The following GABBR2 variants were observed in gnomAD, a reference collection of about 807,000 sequenced individuals.
The protein encoded by GABBR2 is gamma-aminobutyric acid type B receptor subunit 2.
Under a neutral mutation model 105.6 loss-of-function variants are expected in GABBR2, and 23 were observed. The ratio of observed to expected loss-of-function variants is 0.22; its 90% CI spans 0.16 to 0.31. GABBR2 has a LOEUF of 0.31. Among genes scored for constraint, GABBR2 ranks in the 10% least tolerant of loss-of-function variants. The pLI is 1.00. For synonymous variants in GABBR2, 478 were observed against 499.7 expected, an observed-to-expected ratio of 0.96 and a Z score of 0.58; for missense variants, 734 against 1,245.5, an observed-to-expected ratio of 0.59 and a Z score of 6.18.
intron 13 of GABBR2, among the ~76,000 whole-genome samples, chr9:98,346,151 C>T (rs970920601): frequency 9.9e-5 from 15 of 152,170 alleles, no homozygotes; most frequent in East Asian, 1.9e-4. Flanking sequence ...AAGATAATAA[C>T]GGAGTCTGCT....
chr9:98,640,360 T>C (rs1447411176), intron 1 of GABBR2, among the ~76,000 whole-genome samples: 1 of 151,996 alleles, frequency 6.6e-6, no homozygotes, highest in Admixed American at 6.6e-5. Flanking sequence ...CTCACTCTGC[T>C]CTCTACACTC....
At chr9:98,602,052 G>A (rs959685537) in intron 1 of GABBR2, among the ~76,000 whole-genome samples, 6 of 152,138 alleles carry the variant, frequency 3.9e-5, no homozygotes, top group African/African-American at 9.7e-5. Flanking sequence ...ACAGGCCGGA[G>A]TGCAGTGGTG....
intron 1 of GABBR2, among the ~76,000 whole-genome samples, chr9:98,604,255 T>C (rs1829380848): frequency 6.6e-6 from 1 of 152,200 alleles, no homozygotes; most frequent in Admixed American, 6.5e-5. Flanking sequence ...CCAAGGAGCT[T>C]TGCTTATTCC....
In GABBR2 at chr9:98,388,347, G is replaced by C. The variant is rs1242767492; in HGVS notation, c.1529+507C>G. On this transcript the variant is annotated intron_variant, in intron 10 of 18. Transcript: ENST00000259455. This position sits in a 1 kb window ranked among gnomAD's most constrained non-coding sequence, Gnocchi z 4.4. ...CGGAGGGTCATACGGGATGATGGAA[G>C]GGAGGGCTTCCTGGCCGTAATGAAC... 2.0e-5 allele frequency among the ~76,000 whole-genome samples: 3 copies of C among 152,186 alleles called. No individual in the cohort carries two copies. The highest frequency in any genetic ancestry group is 4.4e-5 in the Non-Finnish European group (3 of 68,022).
At chr9:98,447,537 A>ATGTGTG (rs58069151) in intron 7 of GABBR2, among the ~76,000 whole-genome samples, 5,262 of 142,466 alleles carry the variant, frequency 0.037, 126 homozygotes, top group Middle Eastern at 0.13. Context: ...ACTAGTATGT[A>ATGTGTG]TGTGTGTGTG....
intron 1 of GABBR2, among the ~76,000 whole-genome samples, chr9:98,606,012 A>C (rs1001684492): frequency 1.3e-5 from 2 of 151,916 alleles, no homozygotes; most frequent in Non-Finnish European, 2.9e-5. Flanking sequence ...CCTATGAGTG[A>C]GAACATGCGG....
At chr9:98,436,331 TACACAC>T (rs371477170) in intron 7 of GABBR2, among the ~76,000 whole-genome samples, 2 of 26,278 alleles carry the variant, frequency 7.6e-5, no homozygotes, top group Non-Finnish European at 1.3e-4. Flanking sequence ...TATATATATA[TACACAC>T]ACACACACAC....
intron 1 of GABBR2, among the ~76,000 whole-genome samples, chr9:98,650,295 G>A (rs1830087704): frequency 6.6e-6 from 1 of 152,152 alleles, no homozygotes; most frequent in Non-Finnish European, 1.5e-5. Context: ...GGTGACGGAG[G>A]ATGAGTTGTT....
chr9:98,496,204 C>T, intron 4 of GABBR2: 1 of 585,940 alleles, frequency 1.7e-6, no homozygotes, highest in South Asian at 2.0e-5. Flanking sequence ...GGCTGTGCAC[C>T]TGCAGCCAGC....
At chr9:98,641,939 C>T (rs543868167) in intron 1 of GABBR2, among the ~76,000 whole-genome samples, 27 of 152,286 alleles carry the variant, frequency 1.8e-4, no homozygotes, top group South Asian at 4.2e-4. Context: ...GGGACCCCAA[C>T]GGCCTCACTC....
intron 3 of GABBR2, among the ~76,000 whole-genome samples, chr9:98,514,745 T>C (rs187015586): frequency 1.1e-3 from 172 of 151,330 alleles, no homozygotes; most frequent in African/African-American, 3.7e-3. Context: ...CACATGTATA[T>C]ATATGTAACA....
At chr9:98,587,046 T>C (rs564459579) in intron 1 of GABBR2, among the ~76,000 whole-genome samples, 79 of 152,258 alleles carry the variant, frequency 5.2e-4, no homozygotes, top group African/African-American at 1.9e-3. Flanking sequence ...CCAACAGCAG[T>C]GTTTTAGAGA....
intron 13 of GABBR2, among the ~76,000 whole-genome samples, chr9:98,323,483 C>T (rs972323339): frequency 1.3e-5 from 2 of 152,236 alleles, no homozygotes. Flanking sequence ...CACCCAGCTG[C>T]ATCTTGCCCT....
intron 13 of GABBR2, among the ~76,000 whole-genome samples, chr9:98,341,732 G>A (rs1030215587): frequency 6.6e-5 from 10 of 152,098 alleles, no homozygotes; most frequent in African/African-American, 2.4e-4. Context: ...TTTATCTCGG[G>A]GACACAAACT....
At chr9:98,595,222 G>C (rs1219382540) in intron 1 of GABBR2, among the ~76,000 whole-genome samples, 1 of 152,062 alleles carries the variant, frequency 6.6e-6, no homozygotes, top group African/African-American at 2.4e-5. Context: ...TCCTCACATG[G>C]TGGGAGGGGA....
intron 1 of GABBR2, among the ~76,000 whole-genome samples, chr9:98,640,553 G>C (rs1048282897): frequency 1.3e-5 from 2 of 152,074 alleles, no homozygotes; most frequent in Non-Finnish European, 2.9e-5. Context: ...AGTCCTACCA[G>C]GTACCATACA....
intron 7 of GABBR2, among the ~76,000 whole-genome samples, chr9:98,444,428 A>G (rs1409371922): frequency 1.3e-5 from 2 of 152,120 alleles, no homozygotes; most frequent in East Asian, 3.9e-4. Flanking sequence ...GGAGGAGTGT[A>G]CCAGGAACTG....
intron 12 of GABBR2, among the ~76,000 whole-genome samples, chr9:98,366,381 G>T (rs1044853575): frequency 3.9e-5 from 6 of 152,176 alleles, no homozygotes; most frequent in African/African-American, 1.4e-4. Flanking sequence ...GTAGAGAAGA[G>T]AAATTTACAC....
At chr9:98,668,574 T>C (rs759360811) in intron 1 of GABBR2, among the ~76,000 whole-genome samples, 4 of 129,710 alleles carry the variant, frequency 3.1e-5, no homozygotes, top group Non-Finnish European at 4.8e-5. Flanking sequence ...CAGCTTTAAG[T>C]AAATTTACAT....
Sources: gnomAD v4.1 joint callset for allele counts (sites outside exome capture counted in the v4.1 genomes callset) on GRCh38, gnomAD v4.1.1 for gene constraint, Gnocchi (gnomAD v3.1) non-coding constraint, MANE v1.5 for transcripts, NCBI Gene and HGNC (gene_info 2026-07-23, HGNC 2026-07-21) for gene names.